The following JMJD1C variants were observed in gnomAD, a reference collection of about 807,000 sequenced individuals.
JMJD1C encodes the protein jumonji domain containing 1C, also known as jumonji domain-containing protein 1C.
A neutral mutation model predicts 245.3 loss-of-function variants in JMJD1C; 31 were observed. That is an observed-to-expected ratio of 0.13 (90% CI 0.09 to 0.17). The LOEUF (loss-of-function observed/expected upper bound fraction) is 0.17, where lower values mean the gene tolerates loss of function less well. JMJD1C is among the 10% of genes least tolerant of loss of function. The pLI, the probability that JMJD1C is intolerant of heterozygous loss-of-function variation, is 1.00. For synonymous variants in JMJD1C, 1,057 were observed against 1,017.4 expected (o/e 1.04, Z -0.74); for missense variants, 2,691 against 3,000.2 (o/e 0.90, Z 2.41).
Position 63,512,953 on chromosome 10 carries a change from A to T in JMJD1C, n.113+8785T>A, listed in dbSNP as rs1053232536. Among the ~76,000 whole-genome samples, 3 of 152,260 alleles carry T rather than the reference A, an allele frequency of 2.0e-5. No homozygotes were observed. The South Asian group carries it at 6.2e-4, about 32-fold the overall frequency. On this transcript the variant is annotated intron_variant and non_coding_transcript_variant, in intron 1 of 3. Transcript: ENST00000633035. ...AATATCCTCAAGCTCAGAGATTTTT[A>T]AAAGTCCAGTATACTAATGAGCCTA...
intron 3 of JMJD1C, among the ~76,000 whole-genome samples, chr10:63,239,343 G>C (rs189775152): frequency 6.6e-6 from 1 of 152,314 alleles, no homozygotes; most frequent in African/African-American, 2.4e-5. Flanking sequence ...GGAGCCTTAC[G>C]ATAGAGGAGA....
At chr10:63,480,321 TG>T (rs1159093365) in intron 1 of JMJD1C, among the ~76,000 whole-genome samples, 17 of 95,288 alleles carry the variant, frequency 1.8e-4, no homozygotes, top group Non-Finnish European at 4.3e-4. Flanking sequence ...AACTATAGTT[TG>T]ATTTTTTTTT....
rs576989489 is a variant in JMJD1C, at chr10:63,460,353, C to CA, written c.168+5141dup. On this transcript the variant is annotated intron_variant, in intron 1 of 25. Coordinates refer to ENST00000399262, the MANE Select transcript of JMJD1C (RefSeq NM_032776.3). ...GCAACAAAGTGAGACCTCATCTCTACAAAAAAAAATTTAAAAATTAGTTGG... is the reference window on the plus strand; with the variant it reads ...GCAACAAAGTGAGACCTCATCTCTACAAAAAAAAAATTTAAAAATTAGTTGG... Among the ~76,000 whole-genome samples the CA allele has an allele frequency of 1.0e-3, 156 of 151,378 alleles. 1 individual carries two copies. The highest frequency in any genetic ancestry group is 3.6e-3 in the African/African-American group (148 of 41,270).
At chr10:63,282,577 A>T (rs1484799648) in intron 2 of JMJD1C, among the ~76,000 whole-genome samples, 1 of 152,214 alleles carries the variant, frequency 6.6e-6, no homozygotes, top group Non-Finnish European at 1.5e-5. Context: ...TTCATTTAAA[A>T]GTTCTTCCCT....
chr10:63,333,037 CA>C (rs1564798076), intron 2 of JMJD1C, among the ~76,000 whole-genome samples: 2 of 152,024 alleles, frequency 1.3e-5, no homozygotes, highest in Non-Finnish European at 2.9e-5. Flanking sequence ...TAATTTTTAG[CA>C]ACAGAAATAT....
At chr10:63,452,120 A>G (rs1952108112) in intron 1 of JMJD1C, among the ~76,000 whole-genome samples, 1 of 152,228 alleles carries the variant, frequency 6.6e-6, no homozygotes, top group Admixed American at 6.5e-5. Context: ...TAATTTTCCT[A>G]TGCATCAAAA....
At chr10:63,269,047 A>G (rs1485106058) in intron 2 of JMJD1C, 1 of 985,328 alleles carries the variant, frequency 1.0e-6, no homozygotes, top group African/African-American at 1.7e-5. Context: ...GCACTACTGC[A>G]TCCTCCGATC....
At chr10:63,178,742 T>C (rs918808885) in intron 22 of JMJD1C, among the ~76,000 whole-genome samples, 3 of 152,224 alleles carry the variant, frequency 2.0e-5, no homozygotes, top group East Asian at 1.9e-4. Context: ...TTCTAAAATG[T>C]TGACAAACTA....
rs184094451 is a variant in JMJD1C, at chr10:63,473,356, C to T, written n.113+48382G>A. ...TGCCTCGGAAGTTCAAGCAGTTCTC[C>T]TGCCTCAGCCTCCTGAGTAGCTGGG... On this transcript the variant is annotated intron_variant and non_coding_transcript_variant, in intron 1 of 3. Coordinates refer to the JMJD1C transcript ENST00000633035. Among the ~76,000 whole-genome samples the T allele has an allele frequency of 4.6e-5, 7 of 152,216 alleles. 2 individuals carry two copies. The East Asian group carries it at 1.4e-3, about 30-fold the overall frequency.
intron 2 of JMJD1C, among the ~76,000 whole-genome samples, chr10:63,374,079 A>G (rs953516729): frequency 2.6e-5 from 4 of 152,232 alleles, no homozygotes; most frequent in African/African-American, 9.6e-5. Flanking sequence ...AGACTTTAAA[A>G]TAAACATACA....
intron 2 of JMJD1C, among the ~76,000 whole-genome samples, chr10:63,370,704 G>C (rs999062773): frequency 1.3e-5 from 2 of 152,132 alleles, no homozygotes; most frequent in African/African-American, 4.8e-5. Context: ...TTTTTATTAA[G>C]TGTTAATTCT....
chr10:63,447,464 A>G (rs1177953378), intron 1 of JMJD1C, among the ~76,000 whole-genome samples: 1 of 152,222 alleles, frequency 6.6e-6, no homozygotes, highest in Non-Finnish European at 1.5e-5. Flanking sequence ...TGTCTGTAAT[A>G]AACTTCAACA....
At chr10:63,238,101 A>T (rs1850987958) in intron 3 of JMJD1C, among the ~76,000 whole-genome samples, 1 of 148,188 alleles carries the variant, frequency 6.7e-6, no homozygotes, top group Non-Finnish European at 1.5e-5. Context: ...GAATCGCTTG[A>T]ACCTGGGAGG....
At chr10:63,454,257 A>ATTTTT (rs112838462) in intron 1 of JMJD1C, among the ~76,000 whole-genome samples, 2 of 146,066 alleles carry the variant, frequency 1.4e-5, no homozygotes, top group Non-Finnish European at 3.0e-5. Flanking sequence ...GGAGAAATTG[A>ATTTTT]TTTTTTTTTT....
At chr10:63,253,293 C>T (rs1853364590) in intron 3 of JMJD1C, among the ~76,000 whole-genome samples, 1 of 152,060 alleles carries the variant, frequency 6.6e-6, no homozygotes, top group African/African-American at 2.4e-5. Flanking sequence ...GTGGGAAGAG[C>T]ACTCAATGTG....
chr10:63,169,299 A>C (rs766622183), intron 24 of JMJD1C, among the ~76,000 whole-genome samples: 20 of 152,158 alleles, frequency 1.3e-4, no homozygotes, highest in Non-Finnish European at 5.9e-5. Context: ...GCACTTGACT[A>C]TTAGAGCTGC....
At chr10:63,267,246 G>A (rs1014524586) in intron 2 of JMJD1C, among the ~76,000 whole-genome samples, 1 of 152,072 alleles carries the variant, frequency 6.6e-6, no homozygotes, top group Non-Finnish European at 1.5e-5. Flanking sequence ...GTGAATATGT[G>A]TGACTGCTCT....
intron 3 of JMJD1C, among the ~76,000 whole-genome samples, chr10:63,257,214 G>C (rs1854072943): frequency 8.0e-6 from 1 of 125,474 alleles, no homozygotes; most frequent in Non-Finnish European, 1.6e-5. Flanking sequence ...GTGACAGAGT[G>C]AGACTTCATC....
intron 1 of JMJD1C, among the ~76,000 whole-genome samples, chr10:63,448,559 T>C (rs895629158): frequency 1.1e-4 from 16 of 152,196 alleles, no homozygotes; most frequent in Non-Finnish European, 1.9e-4. Flanking sequence ...TCCTCAACCC[T>C]ATCAATGTTT....
Sources: gnomAD v4.1 joint callset for allele counts (sites outside exome capture counted in the v4.1 genomes callset) on GRCh38, gnomAD v4.1.1 for gene constraint, MANE v1.5 for transcripts, NCBI Gene and HGNC (gene_info 2026-07-23, HGNC 2026-07-21) for gene names.